NXPE2: variants seen among roughly 807,000 people sequenced by gnomAD.
NXPE2 encodes the protein neurexophilin and PC-esterase domain family member 2, also known as NXPE family member 2.
NXPE2 carries 34 observed loss-of-function variants against 34.4 expected under a neutral mutation model. The ratio of observed to expected loss-of-function variants is 0.99; its 90% CI spans 0.75 to 1.31. NXPE2 has a LOEUF of 1.31. Among genes scored for constraint, NXPE2 ranks in the 40% most tolerant of loss-of-function variants. The pLI, the probability that NXPE2 is intolerant of heterozygous loss-of-function variation, is 0.00. For synonymous variants in NXPE2, 235 were observed against 231.3 expected, an observed-to-expected ratio of 1.02 and a Z score of -0.15; for missense variants, 649 against 672.5, an observed-to-expected ratio of 0.97 and a Z score of 0.39.
chr11:114,757,694 C>A, the NXPE2 span, among the ~76,000 whole-genome samples: 5,339 of 152,208 alleles, frequency 0.035, 321 homozygotes, highest in African/African-American at 0.12. Flanking sequence ...TCTGTTGCAT[C>A]TCCAGTTGTA....
chr11:114,501,597 G>A, the NXPE2 span, among the ~76,000 whole-genome samples: 1 of 152,114 alleles, frequency 6.6e-6, no homozygotes, highest in African/African-American at 2.4e-5. Context: ...TTCAAATATA[G>A]TGACTTAAAA....
chr11:114,792,806 G>A, the NXPE2 span, among the ~76,000 whole-genome samples: 4 of 152,134 alleles, frequency 2.6e-5, no homozygotes, highest in East Asian at 1.9e-4. Context: ...AACACTTTAC[G>A]TATGTTATCT....
At chr11:114,672,100 T>A in the NXPE2 span, among the ~76,000 whole-genome samples, 1 of 151,918 alleles carries the variant, frequency 6.6e-6, no homozygotes, top group South Asian at 2.1e-4. Context: ...CAACCAGATC[T>A]CATGAGAACT....
chr11:114,636,888 T>A, the NXPE2 span, among the ~76,000 whole-genome samples: 9 of 152,092 alleles, frequency 5.9e-5, no homozygotes, highest in Non-Finnish European at 1.5e-5. Context: ...TCCAAGTATA[T>A]GGTCAATTTT....
chr11:114,688,470 T>C (rs1320467730), intron 2 of NXPE2, among the ~76,000 whole-genome samples: 2 of 152,156 alleles, frequency 1.3e-5, no homozygotes, highest in African/African-American at 2.4e-5. Flanking sequence ...TTTGATGTGC[T>C]GCTGAATTCA....
At chr11:114,522,033 T>A in the NXPE2 span, 11 of 1,613,882 alleles carry the variant, frequency 6.8e-6, no homozygotes, top group African/African-American at 1.3e-5. Context: ...GGGTGGATAG[T>A]GTCAGTGCCA....
chr11:114,582,147 A>G, the NXPE2 span: 3 of 881,004 alleles, frequency 3.4e-6, no homozygotes, highest in Non-Finnish European at 5.1e-6. Context: ...ACTGTCTCTA[A>G]ATGAATTCAC....
chr11:114,706,348 T>C (rs1348161591), intron 5 of NXPE2, 47 bp from the exon 6 acceptor site: 3 of 1,427,260 alleles, frequency 2.1e-6, no homozygotes, highest in Non-Finnish European at 2.8e-6. Flanking sequence ...TTTAAAGTTA[T>C]ATCATTTTCC....
chr11:114,607,649 C>T, the NXPE2 span, among the ~76,000 whole-genome samples: 1 of 151,296 alleles, frequency 6.6e-6, no homozygotes, highest in African/African-American at 2.4e-5. Flanking sequence ...CGCGGTTAAC[C>T]ACTCTTACAC....
At chr11:114,607,002 A>C in the NXPE2 span, among the ~76,000 whole-genome samples, 1 of 151,890 alleles carries the variant, frequency 6.6e-6, no homozygotes, top group Non-Finnish European at 1.5e-5. Context: ...GTGGATAATC[A>C]GTATTGCCTC....
the NXPE2 span, among the ~76,000 whole-genome samples, chr11:114,646,873 G>C: frequency 6.6e-6 from 1 of 152,126 alleles, no homozygotes; most frequent in Non-Finnish European, 1.5e-5. Context: ...AAAAAACAGA[G>C]CAAAGGAACT....
the NXPE2 span, among the ~76,000 whole-genome samples, chr11:114,499,386 A>G: frequency 1.3e-4 from 19 of 151,944 alleles, no homozygotes; most frequent in African/African-American, 4.1e-4. Flanking sequence ...GGTTTTTCTC[A>G]TCTTGTTTTT....
chr11:114,778,843 C>T, the NXPE2 span, among the ~76,000 whole-genome samples: 3 of 152,164 alleles, frequency 2.0e-5, no homozygotes, highest in African/African-American at 7.2e-5. Flanking sequence ...CCATCTCAGG[C>T]CTTCACTTTA....
the NXPE2 span, among the ~76,000 whole-genome samples, chr11:114,666,469 T>C: frequency 6.6e-6 from 1 of 152,154 alleles, no homozygotes; most frequent in African/African-American, 2.4e-5. Flanking sequence ...TATCCTCACA[T>C]CAGTATTGAT....
the NXPE2 span, among the ~76,000 whole-genome samples, chr11:114,562,190 C>A: frequency 6.6e-6 from 1 of 152,172 alleles, no homozygotes; most frequent in South Asian, 2.1e-4. Context: ...ATGTGTTCAT[C>A]TTTGCATTTG....
At chr11:114,752,356 GT>G in the NXPE2 span, among the ~76,000 whole-genome samples, 1 of 152,168 alleles carries the variant, frequency 6.6e-6, no homozygotes, top group Non-Finnish European at 1.5e-5. Flanking sequence ...CAATGATTTG[GT>G]TTTCATTTTG....
the NXPE2 span, among the ~76,000 whole-genome samples, chr11:114,558,245 A>G: frequency 2.0e-5 from 3 of 151,976 alleles, no homozygotes; most frequent in African/African-American, 7.2e-5. Flanking sequence ...TGCACATTCT[A>G]TATGTTTTTC....
the NXPE2 span, among the ~76,000 whole-genome samples, chr11:114,576,313 C>T: frequency 6.6e-6 from 1 of 151,678 alleles, no homozygotes; most frequent in South Asian, 2.1e-4. Context: ...TGACCAAGGA[C>T]CCAAAAGCAA....
At chr11:114,760,909 C>T in the NXPE2 span, among the ~76,000 whole-genome samples, 141 of 152,296 alleles carry the variant, frequency 9.3e-4, no homozygotes, top group South Asian at 2.7e-3. Flanking sequence ...CCAAGATGGC[C>T]TGAGAACTTA....
Sources: gnomAD v4.1 joint callset for allele counts (sites outside exome capture counted in the v4.1 genomes callset) on GRCh38, gnomAD v4.1.1 for gene constraint, MANE v1.5 for transcripts, NCBI Gene and HGNC (gene_info 2026-07-23, HGNC 2026-07-21) for gene names.